Variants in PLCB1 observed in about 807,000 individuals in gnomAD.
PLCB1 encodes 1-phosphatidylinositol 4,5-bisphosphate phosphodiesterase beta-1.
A neutral mutation model predicts 161.8 loss-of-function variants in PLCB1; 46 were observed. That is an observed-to-expected ratio of 0.28 (90% CI 0.22 to 0.36). The LOEUF (loss-of-function observed/expected upper bound fraction) is 0.36, where lower values mean the gene tolerates loss of function less well. Among genes scored for constraint, PLCB1 ranks in the 10% least tolerant of loss-of-function variants. The pLI, the probability that PLCB1 is intolerant of heterozygous loss-of-function variation, is 1.00. For synonymous variants in PLCB1, 517 were observed against 503.7 expected (o/e 1.03, Z -0.35); for missense variants, 1,016 against 1,472.5 (o/e 0.69, Z 5.07).
chr20:8,710,642 G>A (rs558333573), intron 12 of PLCB1, among the ~76,000 whole-genome samples: 7 of 150,982 alleles, frequency 4.6e-5, no homozygotes, highest in Non-Finnish European at 7.4e-5. Flanking sequence ...AGCCTTCCGA[G>A]TAGCTGGGAT....
chr20:8,446,126 T>C (rs1980813067), intron 3 of PLCB1, among the ~76,000 whole-genome samples: 1 of 152,216 alleles, frequency 6.6e-6, no homozygotes, highest in Non-Finnish European at 1.5e-5. Context: ...TTTAGACCAC[T>C]ATCCCTGATG....
At chr20:8,510,587 C>T (rs527818788) in intron 3 of PLCB1, among the ~76,000 whole-genome samples, 19 of 152,010 alleles carry the variant, frequency 1.2e-4, no homozygotes, top group Non-Finnish European at 1.6e-4. Flanking sequence ...GGCGAGGTTT[C>T]GCCATGTTGG....
intron 3 of PLCB1, among the ~76,000 whole-genome samples, chr20:8,382,148 C>T (rs1431621378): frequency 2.0e-5 from 3 of 152,144 alleles, no homozygotes; most frequent in South Asian, 2.1e-4. Context: ...TTCTGATACA[C>T]GTTGTCTCTT....
rs527844550 is a variant in PLCB1, at chr20:8,329,597, C to T, written c.178-41785C>T. Among the ~76,000 whole-genome samples the T allele has an allele frequency of 1.7e-3, 266 of 152,274 alleles. 1 individual carries two copies. The highest frequency in any genetic ancestry group is 1.1e-3 in the Non-Finnish European group (76 of 68,028). ...GAAAATTACAATGATCCAGGTTCTTCGCTGAAGCTACCATATCTTTGTTTC... is the reference window on the plus strand; with the variant it reads ...GAAAATTACAATGATCCAGGTTCTTTGCTGAAGCTACCATATCTTTGTTTC... On this transcript the variant is annotated intron_variant, in intron 2 of 31. Coordinates refer to ENST00000338037, the MANE Select transcript of PLCB1 (RefSeq NM_015192.4).
At position 8,859,945 on chromosome 20, in the gene PLCB1, T is replaced by C. The variant is rs917547157; in HGVS notation, c.3424-21677T>C. On this transcript the variant is annotated intron_variant, in intron 31 of 31. Transcript: ENST00000338037. The stretch of plus-strand genomic sequence containing the variant: ...TGTATATAAAAGCTTCCACTAACTT[T>C]CCATTCTAGGGAGTCATTGAGAGAA... Among the ~76,000 whole-genome samples the C allele has an allele frequency of 5.3e-5, 8 of 152,200 alleles. No individual in the cohort carries two copies. In the East Asian group the frequency reaches 1.2e-3, roughly 22 times the overall value.
At chr20:8,242,966 A>T (rs1484310390) in intron 2 of PLCB1, among the ~76,000 whole-genome samples, 1 of 151,986 alleles carries the variant, frequency 6.6e-6, no homozygotes, top group African/African-American at 2.4e-5. Context: ...TAATGAGATG[A>T]GAAGTGGGGA....
intron 11 of PLCB1, among the ~76,000 whole-genome samples, 194 bp from the exon 12 acceptor site, chr20:8,708,476 C>A (rs1324778813): frequency 6.6e-6 from 1 of 152,182 alleles, no homozygotes; most frequent in Non-Finnish European, 1.5e-5. Flanking sequence ...ATCCAATCTT[C>A]TTATAACTTT....
chr20:8,696,891 AC>A (rs1990596593), intron 10 of PLCB1, among the ~76,000 whole-genome samples: 1 of 151,606 alleles, frequency 6.6e-6, no homozygotes, highest in African/African-American at 2.4e-5. Context: ...CTGCCACCAC[AC>A]CCGGCTAATT....
chr20:8,485,796 A>G (rs905770232), intron 3 of PLCB1, among the ~76,000 whole-genome samples: 4 of 152,202 alleles, frequency 2.6e-5, no homozygotes, highest in African/African-American at 7.2e-5. Flanking sequence ...AAAAATCTAC[A>G]TGCTTGGACT....
intron 2 of PLCB1, among the ~76,000 whole-genome samples, chr20:8,312,534 A>G (rs1468093627): frequency 6.6e-6 from 1 of 152,106 alleles, no homozygotes. Context: ...GGCTATGTTA[A>G]TGTTTTGCCT....
At chr20:8,537,058 C>G (rs764139121) in intron 3 of PLCB1, among the ~76,000 whole-genome samples, 4 of 152,138 alleles carry the variant, frequency 2.6e-5, no homozygotes, top group Non-Finnish European at 5.9e-5. Context: ...ATGGCAAATT[C>G]ATACGGGTCT....
At chr20:8,273,382 C>T (rs1982378117) in intron 2 of PLCB1, among the ~76,000 whole-genome samples, 1 of 152,040 alleles carries the variant, frequency 6.6e-6, no homozygotes, top group Non-Finnish European at 1.5e-5. Context: ...AATTGAGTTG[C>T]TTTTTATACT....
chr20:8,394,859 T>A (rs1987717590), intron 3 of PLCB1, among the ~76,000 whole-genome samples: 1 of 152,158 alleles, frequency 6.6e-6, no homozygotes, highest in African/African-American at 2.4e-5. Context: ...CTTTTAATGG[T>A]ATCTTTAACA....
intron 3 of PLCB1, among the ~76,000 whole-genome samples, chr20:8,603,484 A>G (rs1483048872): frequency 6.6e-6 from 1 of 152,142 alleles, no homozygotes; most frequent in Non-Finnish European, 1.5e-5. Context: ...TGCTCTCTCT[A>G]CAAAGAGGAG....
At chr20:8,880,576 G>A (rs1390171379) in intron 31 of PLCB1, among the ~76,000 whole-genome samples, 1 of 152,182 alleles carries the variant, frequency 6.6e-6, no homozygotes, top group Non-Finnish European at 1.5e-5. Flanking sequence ...TTGGTTACAC[G>A]AGTTTGTTTA....
chr20:8,544,794 A>T (rs972251710), intron 3 of PLCB1, among the ~76,000 whole-genome samples: 4 of 152,222 alleles, frequency 2.6e-5, no homozygotes, highest in African/African-American at 7.2e-5. Flanking sequence ...ACCAGCACCC[A>T]CATGTCTGAT....
chr20:8,521,327 A>G (rs896792403), intron 3 of PLCB1, among the ~76,000 whole-genome samples: 5 of 23,444 alleles, frequency 2.1e-4, no homozygotes, highest in South Asian at 1.6e-3. Context: ...ATAAAAGGGA[A>G]AAAAAAAAAA....
chr20:8,462,896 C>T (rs1215937879), intron 3 of PLCB1, among the ~76,000 whole-genome samples: 1 of 149,230 alleles, frequency 6.7e-6, no homozygotes, highest in South Asian at 2.1e-4. Context: ...AGGCCAACAA[C>T]AAGTAGGGAG....
At chr20:8,267,103 A>C (rs1025619965) in intron 2 of PLCB1, among the ~76,000 whole-genome samples, 1 of 152,234 alleles carries the variant, frequency 6.6e-6, no homozygotes, top group African/African-American at 2.4e-5. Context: ...AATACAAGAC[A>C]TGACCTGTTA....
Sources: allele counts gnomAD v4.1 joint callset (sites outside exome capture counted in the v4.1 genomes callset), GRCh38; gene constraint gnomAD v4.1.1; transcripts MANE v1.5; gene names NCBI Gene and HGNC (gene_info 2026-07-23, HGNC 2026-07-21).